The following BRINP3 variants were observed in gnomAD, a reference collection of about 807,000 sequenced individuals.
The protein encoded by BRINP3 is BMP/retinoic acid inducible neural specific 3, also known as BMP/retinoic acid-inducible neural-specific protein 3.
In BRINP3, 19 loss-of-function variants were observed where a neutral mutation model predicts 71.0. The ratio of observed to expected loss-of-function variants is 0.27; its 90% CI spans 0.19 to 0.39. The LOEUF is 0.39. Ranked by LOEUF, BRINP3 falls within the 10% of genes least tolerant of loss-of-function variation. The pLI, the probability that BRINP3 is intolerant of heterozygous loss-of-function variation, is 1.00. For synonymous variants in BRINP3, 380 were observed against 337.7 expected, an observed-to-expected ratio of 1.13 and a Z score of -1.37; for missense variants, 959 against 940.8, an observed-to-expected ratio of 1.02 and a Z score of -0.25.
At chr1:190,440,642 A>T (rs1425455180) in intron 2 of BRINP3, among the ~76,000 whole-genome samples, 1 of 152,028 alleles carries the variant, frequency 6.6e-6, no homozygotes, top group Non-Finnish European at 1.5e-5. Context: ...ATTTGTACAA[A>T]GAGTAAATGG....
intron 2 of BRINP3, among the ~76,000 whole-genome samples, chr1:190,308,174 G>C (rs1414466493): frequency 6.7e-6 from 1 of 150,176 alleles, no homozygotes; most frequent in Non-Finnish European, 1.5e-5. Context: ...ACATAATTTT[G>C]CTTTTGAGAA....
chr1:190,143,543 G>T (rs1434215440), intron 7 of BRINP3, among the ~76,000 whole-genome samples: 1 of 152,148 alleles, frequency 6.6e-6, no homozygotes, highest in African/African-American at 2.4e-5. Flanking sequence ...TGAGAGGGAT[G>T]CTTCAACAAG....
chr1:190,476,221 TGAC>T (rs748131718), intron 1 of BRINP3, among the ~76,000 whole-genome samples: 2 of 136,542 alleles, frequency 1.5e-5, no homozygotes, highest in South Asian at 4.5e-4. Context: ...CAGCCATCAA[TGAC>T]GACAAGAATA....
intron 2 of BRINP3, among the ~76,000 whole-genome samples, chr1:190,402,465 A>G (rs1280166253): frequency 3.9e-5 from 6 of 152,172 alleles, no homozygotes; most frequent in Non-Finnish European, 7.4e-5. Flanking sequence ...ACTTACAGAA[A>G]TCATTCTATC....
At chr1:190,217,177 C>A (rs1656487448) in intron 6 of BRINP3, 1 of 152,020 alleles carries the variant, frequency 6.6e-6, no homozygotes. Flanking sequence ...CCAAAGCTTT[C>A]CCAACCATCA....
intron 3 of BRINP3, among the ~76,000 whole-genome samples, chr1:190,278,109 G>T (rs998747400): frequency 6.6e-6 from 1 of 151,466 alleles, no homozygotes; most frequent in East Asian, 1.9e-4. Context: ...TAACTCTTAG[G>T]GGAAAAAGCC....
At chr1:190,337,840 A>G (rs755160820) in intron 2 of BRINP3, among the ~76,000 whole-genome samples, 3 of 151,926 alleles carry the variant, frequency 2.0e-5, no homozygotes, top group Non-Finnish European at 4.4e-5. Context: ...ATGGACTTGG[A>G]TACTATCTAA....
At chr1:190,324,552 T>C (rs1261341796) in intron 2 of BRINP3, among the ~76,000 whole-genome samples, 1 of 151,976 alleles carries the variant, frequency 6.6e-6, no homozygotes, top group Non-Finnish European at 1.5e-5. Context: ...TTATACAATA[T>C]GATGACCAAT....
chr1:190,167,031 A>T (rs943977669), intron 6 of BRINP3, among the ~76,000 whole-genome samples: 12 of 150,952 alleles, frequency 7.9e-5, no homozygotes, highest in Non-Finnish European at 1.3e-4. Flanking sequence ...GGCCTATGAA[A>T]TTTTTTTTTA....
At chr1:190,242,355 T>C (rs1659184613) in intron 4 of BRINP3, among the ~76,000 whole-genome samples, 3 of 152,064 alleles carry the variant, frequency 2.0e-5, no homozygotes, top group African/African-American at 7.2e-5. Context: ...ACATAATTAA[T>C]ATAGTGACTT....
chr1:190,277,087 T>TATATATATATATATATATATATATATA (rs1553276640), intron 3 of BRINP3, among the ~76,000 whole-genome samples: 1 of 36,006 alleles, frequency 2.8e-5, no homozygotes. Context: ...AATTTTGGTT[T>TATATATATATATATATATATATATATA]TATATATATA....
chr1:190,419,051 A>G (rs1673188675), intron 2 of BRINP3, among the ~76,000 whole-genome samples: 1 of 152,140 alleles, frequency 6.6e-6, no homozygotes, highest in African/African-American at 2.4e-5. Flanking sequence ...TATGTAAGAT[A>G]CCATTTATAA....
rs560409767 is a variant in BRINP3 at position 190,117,600 on chromosome 1, T to C, written c.1185-18466A>G. On this transcript the variant is annotated intron_variant, in intron 7 of 7. Transcript: ENST00000367462. ...AAGCATCTCCCAGATCTCAAGTAAT[T>C]TCACCTTTAAATATTTGGTGTGCAA... Among the ~76,000 whole-genome samples the C allele has an allele frequency of 4.2e-4, 64 of 152,106 alleles. 1 individual carries two copies. The South Asian group carries it at 0.013, about 31-fold the overall frequency.
chr1:190,465,664 C>G (rs1676695365), intron 1 of BRINP3, among the ~76,000 whole-genome samples: 2 of 151,816 alleles, frequency 1.3e-5, no homozygotes, highest in Non-Finnish European at 2.9e-5. Flanking sequence ...CCATCCTGCT[C>G]CTTGGCTAGA....
At position 190,169,610 on chromosome 1, in the gene BRINP3, A is replaced by T. The variant is rs559976201; in HGVS notation, c.962-8720T>A. ...CAAGGGCAATTATAATTTGTAGTTC[A>T]ACAAGATTTTAACAAATATTTGTTG... On this transcript the variant is annotated intron_variant, in intron 6 of 7. Transcript: ENST00000367462. Among the ~76,000 whole-genome samples the T allele has an allele frequency of 9.2e-5, 14 of 152,298 alleles. No homozygotes were observed. In the South Asian group the frequency reaches 2.9e-3, roughly 32 times the overall value.
intron 4 of BRINP3, among the ~76,000 whole-genome samples, chr1:190,241,101 G>C (rs1212586336): frequency 2.0e-5 from 3 of 151,614 alleles, no homozygotes; most frequent in Non-Finnish European, 2.9e-5. Context: ...AAAAATGTTT[G>C]GATTAAATTG....
intron 7 of BRINP3, among the ~76,000 whole-genome samples, chr1:190,122,098 T>C (rs1227675090): frequency 2.0e-5 from 3 of 152,190 alleles, no homozygotes; most frequent in Non-Finnish European, 4.4e-5. Flanking sequence ...ACTTGTAAGA[T>C]ATACCATCAA....
chr1:190,253,849 T>C (rs1660388211), intron 4 of BRINP3, among the ~76,000 whole-genome samples: 1 of 152,234 alleles, frequency 6.6e-6, no homozygotes, highest in Non-Finnish European at 1.5e-5. Flanking sequence ...CCCATGCCTA[T>C]GTCCTGAATG....
chr1:190,219,254 G>A (rs1190572977), intron 6 of BRINP3, among the ~76,000 whole-genome samples: 2 of 152,092 alleles, frequency 1.3e-5, no homozygotes, highest in Non-Finnish European at 2.9e-5. Flanking sequence ...CAAAAAGACA[G>A]AACAAAAATT....
Sources: allele counts gnomAD v4.1 joint callset (sites outside exome capture counted in the v4.1 genomes callset), GRCh38; gene constraint gnomAD v4.1.1; transcripts MANE v1.5; gene names NCBI Gene and HGNC (gene_info 2026-07-23, HGNC 2026-07-21).